PDGFD: variants seen among roughly 807,000 people sequenced by gnomAD.
The protein encoded by PDGFD is platelet-derived growth factor D.
PDGFD carries 30 observed loss-of-function variants against 44.7 expected under a neutral mutation model. That is an observed-to-expected ratio of 0.67 (90% CI 0.50 to 0.91). The LOEUF is 0.91. Ranked by LOEUF, PDGFD falls within the 40% of genes least tolerant of loss-of-function variation. The pLI is 0.00. For missense variants in PDGFD, 445 were observed against 457.8 expected, an observed-to-expected ratio of 0.97 and a Z score of 0.25; for synonymous variants, 173 against 168.4, an observed-to-expected ratio of 1.03 and a Z score of -0.21.
At chr11:104,084,258 T>C (rs1220185169) in intron 1 of PDGFD, among the ~76,000 whole-genome samples, 3 of 151,936 alleles carry the variant, frequency 2.0e-5, no homozygotes, top group African/African-American at 7.3e-5. Context: ...AGTGTTAGGG[T>C]GAAAACCAAA....
intron 1 of PDGFD, among the ~76,000 whole-genome samples, chr11:104,051,787 T>C (rs1176865934): frequency 2.6e-5 from 4 of 152,056 alleles, no homozygotes; most frequent in African/African-American, 7.2e-5. Context: ...ACAGAAAACA[T>C]ATACAATTAA....
chr11:103,943,190 A>C (rs940611800), intron 5 of PDGFD, among the ~76,000 whole-genome samples: 1 of 152,088 alleles, frequency 6.6e-6, no homozygotes, highest in African/African-American at 2.4e-5. Flanking sequence ...CAAAAATCTA[A>C]ACTCTGAAAT....
At chr11:104,082,663 G>A (rs1861061937) in intron 1 of PDGFD, among the ~76,000 whole-genome samples, 1 of 151,946 alleles carries the variant, frequency 6.6e-6, no homozygotes, top group South Asian at 2.1e-4. Flanking sequence ...ATGTGGTCTT[G>A]CTCTGTTGCC....
At chr11:104,058,246 C>T (rs1243847300) in intron 1 of PDGFD, among the ~76,000 whole-genome samples, 6 of 152,068 alleles carry the variant, frequency 3.9e-5, no homozygotes, top group Non-Finnish European at 7.3e-5. Flanking sequence ...TTGCAAAACA[C>T]GTACATGATA....
chr11:103,993,860 A>C (rs925434736), intron 3 of PDGFD, among the ~76,000 whole-genome samples: 3 of 152,208 alleles, frequency 2.0e-5, no homozygotes, highest in Admixed American at 2.0e-4. Context: ...GTCTGTAGCT[A>C]TTCTCAATGG....
At chr11:103,934,779 T>C (rs1858461184) in intron 5 of PDGFD, among the ~76,000 whole-genome samples, 1 of 152,176 alleles carries the variant, frequency 6.6e-6, no homozygotes. Flanking sequence ...TATCTCCATC[T>C]TGTTTCTCCC....
chr11:103,909,007 T>C lies in PDGFD; in HGVS notation c.*687A>G, dbSNP rs1018279391. ...TCAGCAAAATGCATAAAAAACACAA[T>C]GATTTAATTTCTAAAGCACTTATAT... On this transcript the variant is annotated 3_prime_UTR_variant, in exon 7 of 7. Transcript: ENST00000393158. The C allele has an allele frequency of 1.3e-5, 2 of 152,204 alleles. No individual in the cohort carries two copies. Among genetic ancestry groups the C allele is most frequent in the Non-Finnish European group, 2.9e-5 (2 of 68,034 alleles). The allele number at this position is 152,204 out of a possible 1,614,324, so 9.4% of individuals were successfully genotyped here. A position where few individuals can be genotyped will look rare whatever the true frequency, so the allele number is the denominator to read the frequency against.
intron 1 of PDGFD, among the ~76,000 whole-genome samples, chr11:104,146,689 TC>T (rs1862168007): frequency 6.6e-6 from 1 of 152,240 alleles, no homozygotes; most frequent in Non-Finnish European, 1.5e-5. Flanking sequence ...TCAAAGTTAG[TC>T]CCCATCTGCT....
rs201398709 is a variant in PDGFD, at chr11:103,942,136, TG to T, written c.772+1315del. On this transcript the variant is annotated intron_variant, in intron 5 of 6. Coordinates refer to ENST00000393158, the MANE Select transcript of PDGFD (RefSeq NM_025208.5). ...TTTTGTCCCAAATGTTATAAATGGT[TG>T]TGCTAAAGCAGCCCAGGTTCACAGT... 7.6e-3 allele frequency among the ~76,000 whole-genome samples: 1,157 copies of T among 152,192 alleles called. 20 individuals are homozygous for T. The highest frequency in any genetic ancestry group is 0.026 in the African/African-American group (1,070 of 41,530).
At position 103,996,112 on chromosome 11, in the gene PDGFD, CA is replaced by C; in HGVS notation, c.462del (p.Asp154GlufsTer47). 6.2e-7 allele frequency: 1 copy of C among 1,613,658 alleles called. No homozygotes were observed. The highest frequency in any genetic ancestry group is 8.5e-7 in the Non-Finnish European group (1 of 1,179,760). ...TNQIKITFKS[D>X]DYFVAKPGFK... Reference sequence around the variant, plus strand: ...AATCCAGGTTTAGCCACAAAGTAGTCATCGGACTTGAATGTGATTTTAATTT... The same window carrying C: ...AATCCAGGTTTAGCCACAAAGTAGTCTCGGACTTGAATGTGATTTTAATTT... On this transcript the variant is annotated frameshift_variant, in exon 3 of 7. Coordinates refer to ENST00000393158, the MANE Select transcript of PDGFD (RefSeq NM_025208.5). LOFTEE classifies it high-confidence loss of function.
At chr11:104,073,789 A>G (rs1255260688) in intron 1 of PDGFD, among the ~76,000 whole-genome samples, 1 of 152,200 alleles carries the variant, frequency 6.6e-6, no homozygotes, top group Admixed American at 6.5e-5. Flanking sequence ...TACATTGGCG[A>G]GTTTGCAGTT....
intron 6 of PDGFD, among the ~76,000 whole-genome samples, chr11:103,918,722 A>G (rs1858163546): frequency 6.6e-6 from 1 of 152,194 alleles, no homozygotes. Flanking sequence ...TATTTGAACA[A>G]AGTGGAAATT....
intron 1 of PDGFD, among the ~76,000 whole-genome samples, chr11:104,158,366 T>C (rs1403481559): frequency 6.6e-6 from 1 of 152,174 alleles, no homozygotes; most frequent in Non-Finnish European, 1.5e-5. Flanking sequence ...CCTGGTACTC[T>C]CCAGAATGCA....
intron 3 of PDGFD, among the ~76,000 whole-genome samples, chr11:103,985,800 G>A (rs1213717753): frequency 6.6e-6 from 1 of 152,084 alleles, no homozygotes; most frequent in Non-Finnish European, 1.5e-5. Context: ...TTTTTCAACT[G>A]GAAAATATGA....
At chr11:104,163,317 T>C (rs1862415303) in intron 1 of PDGFD, among the ~76,000 whole-genome samples, 1 of 152,152 alleles carries the variant, frequency 6.6e-6, no homozygotes, top group Non-Finnish European at 1.5e-5. Flanking sequence ...CAGATATAAC[T>C]GCTAGATTGA....
At chr11:103,933,890 A>G (rs1383056946) in intron 5 of PDGFD, among the ~76,000 whole-genome samples, 1 of 152,258 alleles carries the variant, frequency 6.6e-6, no homozygotes, top group Non-Finnish European at 1.5e-5. Flanking sequence ...TGAATTAGCC[A>G]TGAAAGCAGT....
chr11:103,984,099 C>T (rs970750304), intron 3 of PDGFD, among the ~76,000 whole-genome samples: 3 of 151,664 alleles, frequency 2.0e-5, no homozygotes, highest in Non-Finnish European at 2.9e-5. Flanking sequence ...ATTATAAAGA[C>T]ATATGCATGC....
At chr11:103,956,537 T>C (rs1294066228) in intron 3 of PDGFD, among the ~76,000 whole-genome samples, 4 of 148,562 alleles carry the variant, frequency 2.7e-5, no homozygotes, top group Non-Finnish European at 5.9e-5. Flanking sequence ...TGCATGTGTC[T>C]TTATAGCAGC....
chr11:104,119,513 TTAATA>T, intron 1 of PDGFD, among the ~76,000 whole-genome samples: 1 of 39,750 alleles, frequency 2.5e-5, no homozygotes, highest in Non-Finnish European at 4.2e-5. Flanking sequence ...ATATAATATA[TTAATA>T]TAATATATTG....
Sources: allele counts gnomAD v4.1 joint callset (sites outside exome capture counted in the v4.1 genomes callset), GRCh38; gene constraint gnomAD v4.1.1; transcripts MANE v1.5; gene names NCBI Gene and HGNC (gene_info 2026-07-23, HGNC 2026-07-21).